Variants in PARVA observed in about 807,000 individuals in gnomAD.
PARVA encodes parvin alpha.
In PARVA, 25 loss-of-function variants were observed where a neutral mutation model predicts 52.6. The ratio of observed to expected loss-of-function variants is 0.48; its 90% CI spans 0.35 to 0.66. PARVA has a LOEUF of 0.66. PARVA is among the 30% of genes least tolerant of loss of function. The pLI is 0.01. For synonymous variants in PARVA, 185 were observed against 179.1 expected, an observed-to-expected ratio of 1.03 and a Z score of -0.26; for missense variants, 373 against 450.9, an observed-to-expected ratio of 0.83 and a Z score of 1.56.
Position 12,513,279 on chromosome 11 carries a change from T to G in PARVA, c.737-20T>G, listed in dbSNP as rs375084130. 5 of 1,612,258 alleles carry G rather than the reference T, an allele frequency of 3.1e-6. No homozygotes were observed. The African/African-American group carries it at 6.7e-5, about 22-fold the overall frequency. ...AGGGATCAGCTCTTGTGCTCCACAT[T>G]GTGTTTCCCTCTTTTTCAGAACGTG... On this transcript the variant is annotated intron_variant, in intron 8 of 12. Coordinates refer to ENST00000334956, the MANE Select transcript of PARVA (RefSeq NM_018222.5).
At chr11:12,409,429 A>G (rs891066852) in intron 1 of PARVA, among the ~76,000 whole-genome samples, 3 of 152,188 alleles carry the variant, frequency 2.0e-5, no homozygotes, top group African/African-American at 7.2e-5. Context: ...TTAAAGTTGC[A>G]GATGGAGTTA....
rs555031935 is a variant in PARVA at position 12,514,750 on chromosome 11, T to G, written c.867+685T>G. ...ATCCACCCACCTTGGCCTCCCAAAG[T>G]GCTGGGACTATAGGCATGAGCCACC... On this transcript the variant is annotated intron_variant, in intron 10 of 12. Transcript: ENST00000334956. Among the ~76,000 whole-genome samples the G allele has an allele frequency of 2.9e-4, 44 of 152,370 alleles. No individual in the cohort carries two copies. The South Asian group carries it at 7.5e-3, about 26-fold the overall frequency.
intron 4 of PARVA, among the ~76,000 whole-genome samples, chr11:12,488,339 C>A (rs1330977248): frequency 6.6e-6 from 1 of 152,146 alleles, no homozygotes; most frequent in Non-Finnish European, 1.5e-5. Context: ...TCTGGATAAG[C>A]CTTCAAGAAC....
At chr11:12,387,400 A>G (rs1470706215) in intron 1 of PARVA, among the ~76,000 whole-genome samples, 1 of 152,042 alleles carries the variant, frequency 6.6e-6, no homozygotes, top group Non-Finnish European at 1.5e-5. Context: ...CTAGTACTTA[A>G]CCAGTGCTCC....
chr11:12,428,168 T>C (rs1181935328), intron 1 of PARVA, among the ~76,000 whole-genome samples: 1 of 152,230 alleles, frequency 6.6e-6, no homozygotes, highest in Admixed American at 6.5e-5. Context: ...TGGCAAATGA[T>C]GAGCAGAGAA....
At chr11:12,434,307 T>C (rs1940357117) in intron 1 of PARVA, among the ~76,000 whole-genome samples, 1 of 152,198 alleles carries the variant, frequency 6.6e-6, no homozygotes, top group Admixed American at 6.5e-5. Flanking sequence ...GCCTGAGAAG[T>C]GTGGATAAAT....
At chr11:12,487,859 T>A (rs1336570277) in intron 4 of PARVA, among the ~76,000 whole-genome samples, 1 of 152,188 alleles carries the variant, frequency 6.6e-6, no homozygotes, top group Non-Finnish European at 1.5e-5. Flanking sequence ...CATAGAATAT[T>A]TCTCGTAATA....
Position 12,377,611 on chromosome 11 carries a change from C to G in PARVA, c.-37C>G. 6.5e-7 allele frequency: 1 copy of G among 1,547,528 alleles called. No individual in the cohort carries two copies. Among genetic ancestry groups the G allele is most frequent in the African/African-American group, 1.4e-5 (1 of 69,726 alleles). On this transcript the variant is annotated 5_prime_UTR_variant, in exon 1 of 13. Coordinates refer to ENST00000334956, the MANE Select transcript of PARVA (RefSeq NM_018222.5). ...CGCTGCGTCCGCCCAGCGCCAGCTC[C>G]GCGTCCCGACCGGCCCGCGGCAGCC...
chr11:12,491,905 T>C (rs1941238882), intron 4 of PARVA, among the ~76,000 whole-genome samples: 1 of 152,190 alleles, frequency 6.6e-6, no homozygotes, highest in Admixed American at 6.5e-5. Flanking sequence ...CATGGAACAC[T>C]TAACGAAATT....
chr11:12,525,734 TATGTG>T (rs1175658393), intron 12 of PARVA, among the ~76,000 whole-genome samples: 1 of 152,056 alleles, frequency 6.6e-6, no homozygotes, highest in African/African-American at 2.4e-5. Flanking sequence ...GAGGCTCAGA[TATGTG>T]ATGAAGCACC....
rs1467142548 is a variant in PARVA at position 12,490,507 on chromosome 11, A to T, written c.401-5951A>T. On this transcript the variant is annotated intron_variant, in intron 4 of 12. Transcript: ENST00000334956. ...ACTCCAGCCTGGGTGATAGAGTAAG[A>T]CTATGTCTCAAAAAAAAAAAAAGAG... Among the ~76,000 whole-genome samples the T allele has an allele frequency of 2.8e-5, 3 of 107,546 alleles. No individual in the cohort carries two copies. The East Asian group carries it at 8.4e-4, about 30-fold the overall frequency. 70.6% of individuals were successfully genotyped at this position (107,546 alleles called of 152,430 possible). A position where few individuals can be genotyped will look rare whatever the true frequency, so the allele number is the denominator to read the frequency against.
intron 1 of PARVA, among the ~76,000 whole-genome samples, chr11:12,470,376 C>G (rs938383093): frequency 6.6e-6 from 1 of 152,240 alleles, no homozygotes; most frequent in Non-Finnish European, 1.5e-5. Context: ...CATATATTAA[C>G]TCATTTAGTC....
intron 1 of PARVA, among the ~76,000 whole-genome samples, chr11:12,456,860 A>G (rs887958603): frequency 8.5e-5 from 13 of 152,170 alleles, no homozygotes; most frequent in African/African-American, 2.9e-4. Flanking sequence ...ACCCCAGGAC[A>G]CAGCACAGGG....
chr11:12,522,421 CTTTTT>C (rs66494894), intron 12 of PARVA, among the ~76,000 whole-genome samples: 41 of 134,600 alleles, frequency 3.0e-4, no homozygotes, highest in African/African-American at 5.3e-4. Flanking sequence ...GAGCTTTATT[CTTTTT>C]TTTTTTTTTT....
intron 1 of PARVA, among the ~76,000 whole-genome samples, chr11:12,461,711 C>G (rs1194669031): frequency 6.6e-6 from 1 of 152,180 alleles, no homozygotes; most frequent in Non-Finnish European, 1.5e-5. Flanking sequence ...GAATAAGTGC[C>G]TAGGGGCCAT....
intron 10 of PARVA, among the ~76,000 whole-genome samples, chr11:12,516,057 T>C (rs1222826253): frequency 6.6e-6 from 1 of 152,190 alleles, no homozygotes; most frequent in East Asian, 1.9e-4. Flanking sequence ...CAGGCCAGTC[T>C]GGAACTCCTG....
intron 1 of PARVA, among the ~76,000 whole-genome samples, chr11:12,450,234 G>A (rs1013323222): frequency 2.0e-5 from 3 of 152,140 alleles, no homozygotes; most frequent in Non-Finnish European, 2.9e-5. Context: ...TGTACATATT[G>A]ACTCATTTCA....
chr11:12,507,611 G>A (rs182256080), intron 6 of PARVA, among the ~76,000 whole-genome samples: 2 of 152,110 alleles, frequency 1.3e-5, no homozygotes, highest in African/African-American at 4.8e-5. Flanking sequence ...TCCAGCTCCA[G>A]GGCCCCCTCC....
At chr11:12,455,171 G>A (rs531179065) in intron 1 of PARVA, among the ~76,000 whole-genome samples, 1 of 152,268 alleles carries the variant, frequency 6.6e-6, no homozygotes, top group Non-Finnish European at 1.5e-5. Flanking sequence ...CAGGGAAGAT[G>A]GGGAAGCATT....
Sources: allele counts gnomAD v4.1 joint callset (sites outside exome capture counted in the v4.1 genomes callset), GRCh38; gene constraint gnomAD v4.1.1; transcripts MANE v1.5; gene names NCBI Gene and HGNC (gene_info 2026-07-23, HGNC 2026-07-21).